Variants in TDRD5 observed in about 807,000 individuals in gnomAD.
TDRD5 encodes tudor domain containing 5.
In TDRD5, 41 loss-of-function variants were observed where a neutral mutation model predicts 120.6. The ratio of observed to expected loss-of-function variants is 0.34; its 90% CI spans 0.26 to 0.44. The LOEUF (loss-of-function observed/expected upper bound fraction) is 0.44, where lower values mean the gene tolerates loss of function less well. Among genes scored for constraint, TDRD5 ranks in the 20% least tolerant of loss-of-function variants. The pLI, the probability that TDRD5 is intolerant of heterozygous loss-of-function variation, is 1.00. For missense variants in TDRD5, 1,006 were observed against 1,221.2 expected (o/e 0.82, Z 2.63); for synonymous variants, 430 against 433.7 (o/e 0.99, Z 0.11).
At chr1:179,621,515 T>TG (rs1211037715) in intron 6 of TDRD5, among the ~76,000 whole-genome samples, 6 of 152,020 alleles carry the variant, frequency 3.9e-5, no homozygotes, top group Admixed American at 6.6e-5. Context: ...GAGAAACTCT[T>TG]GCACATGTAC....
intron 10 of TDRD5, 80 bp downstream of exon 10, chr1:179,640,131 C>T: frequency 1.4e-6 from 2 of 1,464,280 alleles, no homozygotes; most frequent in Non-Finnish European, 1.9e-6. Context: ...TGGGATCTCT[C>T]TTTTCTCTTG....
intron 16 of TDRD5, among the ~76,000 whole-genome samples, chr1:179,668,343 G>A (rs529492541): frequency 6.6e-5 from 10 of 152,270 alleles, no homozygotes; most frequent in South Asian, 6.2e-4. Flanking sequence ...TTAGGGACAG[G>A]GATCCTGTCT....
chr1:179,650,795 ATTG>A, intron 11 of TDRD5, 69 bp from the exon 12 acceptor site: 1 of 1,473,408 alleles, frequency 6.8e-7, no homozygotes, highest in Non-Finnish European at 9.5e-7. Context: ...ATCAGAATTC[ATTG>A]TTGTATATGG....
At chr1:179,627,215 A>T (rs1472234121) in intron 6 of TDRD5, among the ~76,000 whole-genome samples, 4 of 152,134 alleles carry the variant, frequency 2.6e-5, no homozygotes, top group African/African-American at 7.2e-5. Context: ...GAATTCAAGA[A>T]CTCTTGTTCC....
chr1:179,686,813 T>G (rs950108973), intron 17 of TDRD5, among the ~76,000 whole-genome samples: 2 of 152,200 alleles, frequency 1.3e-5, no homozygotes, highest in Non-Finnish European at 2.9e-5. Flanking sequence ...CTTCTAGATT[T>G]TCTAGTTTAT....
chr1:179,648,056 A>G, intron 11 of TDRD5, among the ~76,000 whole-genome samples: 1 of 151,884 alleles, frequency 6.6e-6, no homozygotes, highest in Non-Finnish European at 1.5e-5. Context: ...TCAGGGATCT[A>G]GAACTAGAAA....
At chr1:179,655,297 A>T (rs1678939318) in intron 14 of TDRD5, among the ~76,000 whole-genome samples, 1 of 152,154 alleles carries the variant, frequency 6.6e-6, no homozygotes, top group Admixed American at 6.5e-5. Flanking sequence ...CATGTTACTG[A>T]TATAGTATAT....
chr1:179,630,075 G>A (rs1164583033), intron 6 of TDRD5, among the ~76,000 whole-genome samples: 2 of 151,734 alleles, frequency 1.3e-5, no homozygotes, highest in African/African-American at 2.4e-5. Context: ...CACCTCCTGG[G>A]TTCATGCCAT....
At chr1:179,638,745 A>G (rs1677896481) in intron 9 of TDRD5, among the ~76,000 whole-genome samples, 1 of 127,588 alleles carries the variant, frequency 7.8e-6, no homozygotes, top group South Asian at 2.7e-4. Flanking sequence ...GATGGGAGAT[A>G]TACCTGTTCT....
chr1:179,675,715 T>C (rs1680112272), intron 17 of TDRD5, among the ~76,000 whole-genome samples: 1 of 152,250 alleles, frequency 6.6e-6, no homozygotes, highest in Admixed American at 6.5e-5. Flanking sequence ...TATTCTACTA[T>C]GGTCTGAGAG....
At chr1:179,644,467 A>G (rs777667180) in intron 11 of TDRD5, among the ~76,000 whole-genome samples, 2 of 152,148 alleles carry the variant, frequency 1.3e-5, no homozygotes, top group Non-Finnish European at 2.9e-5. Context: ...AACCTAATAT[A>G]TACTTGTTTA....
chr1:179,599,684 A>C (rs1675596637), intron 4 of TDRD5, among the ~76,000 whole-genome samples: 1 of 151,978 alleles, frequency 6.6e-6, no homozygotes, highest in African/African-American at 2.4e-5. Context: ...CTTGCTCTTT[A>C]TCTGTCTCTA....
intron 3 of TDRD5, among the ~76,000 whole-genome samples, chr1:179,594,120 C>T (rs1460259408): frequency 1.3e-5 from 2 of 152,126 alleles, no homozygotes; most frequent in African/African-American, 4.8e-5. Context: ...ATTTAGTAAG[C>T]TGATAATAAG....
intron 4 of TDRD5, among the ~76,000 whole-genome samples, chr1:179,598,021 T>TG (rs1310626348): frequency 6.6e-6 from 1 of 152,232 alleles, no homozygotes; most frequent in Non-Finnish European, 1.5e-5. Context: ...TATCATTGTA[T>TG]GATCATCATA....
intron 4 of TDRD5, among the ~76,000 whole-genome samples, chr1:179,604,965 TG>T (rs1468700260): frequency 6.6e-6 from 1 of 152,204 alleles, no homozygotes; most frequent in Non-Finnish European, 1.5e-5. Flanking sequence ...CTGCTGTCAG[TG>T]GAGTATTGAG....
At chr1:179,660,680 G>T (rs1679265809) in intron 14 of TDRD5, among the ~76,000 whole-genome samples, 1 of 151,902 alleles carries the variant, frequency 6.6e-6, no homozygotes. Context: ...TATTACACCT[G>T]CATATAATTT....
At chr1:179,658,198 G>A (rs1396009598) in intron 14 of TDRD5, among the ~76,000 whole-genome samples, 2 of 152,080 alleles carry the variant, frequency 1.3e-5, no homozygotes, top group Non-Finnish European at 2.9e-5. Context: ...GTTACATTGT[G>A]TATATATACC....
Position 179,645,477 on chromosome 1 carries a change from C to G in TDRD5, c.1800+5032C>G, listed in dbSNP as rs12035013. ...ATCCTCTAGATAGTATCCGTCAGCC[C>G]TTTAAATATGCAGAGGCTGATAGAT... is the stretch of plus-strand genomic sequence containing the variant. On this transcript the variant is annotated intron_variant, in intron 11 of 17. Coordinates refer to ENST00000444136, the MANE Select transcript of TDRD5 (RefSeq NM_001199085.3). Among the ~76,000 whole-genome samples the G allele has an allele frequency of 5.3e-3, 814 of 152,290 alleles. 29 individuals carry two copies. In the East Asian group the frequency reaches 0.09, roughly 17 times the overall value.
intron 4 of TDRD5, among the ~76,000 whole-genome samples, chr1:179,608,809 C>G (rs547809148): frequency 1.6e-4 from 24 of 151,904 alleles, no homozygotes; most frequent in African/African-American, 4.8e-4. Context: ...TAACTTCTGA[C>G]TGGATGCTAG....
Sources: gnomAD v4.1 joint callset for allele counts (sites outside exome capture counted in the v4.1 genomes callset) on GRCh38, gnomAD v4.1.1 for gene constraint, MANE v1.5 for transcripts, NCBI Gene and HGNC (gene_info 2026-07-23, HGNC 2026-07-21) for gene names.